The following DIAPH3 variants were observed in gnomAD, a reference collection of about 807,000 sequenced individuals.
The protein encoded by DIAPH3 is diaphanous related formin 3.
Under a neutral mutation model 144.3 loss-of-function variants are expected in DIAPH3, and 117 were observed. That is an observed-to-expected ratio of 0.81 (90% confidence interval 0.70 to 0.95). The LOEUF is 0.95. Ranked by LOEUF, DIAPH3 falls within the 40% of genes least tolerant of loss-of-function variation. The probability of loss-of-function intolerance (pLI) is 0.00; values close to 1 mark genes in which losing one functional copy is unlikely to be tolerated. For missense variants in DIAPH3, 1,421 were observed against 1,412.7 expected (o/e 1.01, Z -0.09); for synonymous variants, 519 against 488.9 (o/e 1.06, Z -0.81).
intron 12 of DIAPH3, among the ~76,000 whole-genome samples, chr13:59,990,499 A>T (rs1176270250): frequency 6.6e-6 from 1 of 151,938 alleles, no homozygotes; most frequent in Non-Finnish European, 1.5e-5. Flanking sequence ...TAGAAATGGA[A>T]AGTAGATATA....
chr13:59,925,144 C>T (rs1432243272), intron 17 of DIAPH3, among the ~76,000 whole-genome samples: 1 of 151,974 alleles, frequency 6.6e-6, no homozygotes, highest in Non-Finnish European at 1.5e-5. Flanking sequence ...GAAACCAATA[C>T]CAATGGGTAT....
At chr13:60,069,514 C>T (rs1332559489) in intron 4 of DIAPH3, among the ~76,000 whole-genome samples, 1 of 152,096 alleles carries the variant, frequency 6.6e-6, no homozygotes, top group Non-Finnish European at 1.5e-5. Flanking sequence ...GGTTTTGTTG[C>T]AATTGCTTTT....
intron 15 of DIAPH3, among the ~76,000 whole-genome samples, chr13:59,973,563 A>C (rs753124426): frequency 3.9e-5 from 6 of 152,100 alleles, no homozygotes; most frequent in African/African-American, 7.2e-5. Context: ...GCTATCTCTT[A>C]AGGTATCTCC....
intron 27 of DIAPH3, among the ~76,000 whole-genome samples, chr13:59,759,949 A>C (rs911438109): frequency 3.1e-5 from 2 of 65,374 alleles, no homozygotes; most frequent in Non-Finnish European, 6.4e-5. Context: ...CTCCATCTCA[A>C]AACAAACAAA....
chr13:59,987,213 A>C (rs1393897572), intron 12 of DIAPH3, among the ~76,000 whole-genome samples: 1 of 151,898 alleles, frequency 6.6e-6, no homozygotes, highest in East Asian at 1.9e-4. Context: ...TTCTCAGTAA[A>C]CTATCGCAAG....
At chr13:59,912,770 A>G (rs911021548) in intron 19 of DIAPH3, among the ~76,000 whole-genome samples, 2 of 152,196 alleles carry the variant, frequency 1.3e-5, no homozygotes, top group Non-Finnish European at 2.9e-5. Context: ...AGCCTAGATC[A>G]TGCTATATAT....
At chr13:59,688,523 G>A (rs1401190290) in intron 27 of DIAPH3, among the ~76,000 whole-genome samples, 1 of 151,932 alleles carries the variant, frequency 6.6e-6, no homozygotes, top group East Asian at 1.9e-4. Flanking sequence ...CACAGAGCTA[G>A]GAACCACCAA....
intron 1 of DIAPH3, among the ~76,000 whole-genome samples, chr13:60,153,776 C>T (rs1951905088): frequency 6.6e-6 from 1 of 152,044 alleles, no homozygotes; most frequent in Admixed American, 6.6e-5. Flanking sequence ...AAGAGTTACA[C>T]TTAGTTTTAT....
chr13:59,822,292 T>A (rs2041112780), intron 24 of DIAPH3, among the ~76,000 whole-genome samples: 1 of 152,066 alleles, frequency 6.6e-6, no homozygotes, highest in African/African-American at 2.4e-5. Flanking sequence ...CAAGCACAAG[T>A]CGCTATGCAC....
chr13:59,897,747 C>CA lies in DIAPH3; in HGVS notation c.2367+13987dup, dbSNP rs376326912. Among the ~76,000 whole-genome samples, 606 of 137,470 alleles carry CA rather than the reference C, an allele frequency of 4.4e-3. 3 individuals carry two copies. The highest frequency in any genetic ancestry group is 0.015 in the African/African-American group (538 of 36,808). 90.2% of individuals were successfully genotyped at this position (137,470 alleles called of 152,430 possible). A position where few individuals can be genotyped will look rare whatever the true frequency, so the allele number is the denominator to read the frequency against. On this transcript the variant is annotated intron_variant, in intron 20 of 27. Coordinates refer to ENST00000400324, the MANE Select transcript of DIAPH3 (RefSeq NM_001042517.2). ...TGGGCAACAGGGTAAGACTCCATCT[C>CA]AAAAAAAACAAAAAAAGAATAAGAA...
At chr13:59,711,844 G>A (rs575485788) in intron 27 of DIAPH3, among the ~76,000 whole-genome samples, 2 of 152,254 alleles carry the variant, frequency 1.3e-5, no homozygotes, top group South Asian at 2.1e-4. Context: ...ATTGTTGCAC[G>A]AATAAATAAA....
At chr13:59,861,924 A>G (rs2043616466) in intron 21 of DIAPH3, among the ~76,000 whole-genome samples, 1 of 152,194 alleles carries the variant, frequency 6.6e-6, no homozygotes, top group Non-Finnish European at 1.5e-5. Flanking sequence ...TGGAGACCTA[A>G]CAACAAATAA....
intron 4 of DIAPH3, among the ~76,000 whole-genome samples, chr13:60,070,291 T>G (rs1017912782): frequency 1.3e-5 from 2 of 151,834 alleles, no homozygotes; most frequent in African/African-American, 4.8e-5. Context: ...GATTTTTTTT[T>G]TTTTTTTGCT....
At chr13:59,732,806 T>C (rs1184514250) in intron 27 of DIAPH3, among the ~76,000 whole-genome samples, 2 of 152,120 alleles carry the variant, frequency 1.3e-5, no homozygotes, top group African/African-American at 4.8e-5. Flanking sequence ...GTTTACTTAA[T>C]CAGTGAAATC....
At chr13:59,821,484 G>GA (rs1241233783) in intron 24 of DIAPH3, among the ~76,000 whole-genome samples, 1 of 151,766 alleles carries the variant, frequency 6.6e-6, no homozygotes, top group Non-Finnish European at 1.5e-5. Flanking sequence ...AGTGGAACAG[G>GA]AAAAAAAATT....
chr13:59,906,141 T>C (rs1258029292), intron 20 of DIAPH3, among the ~76,000 whole-genome samples: 1 of 152,186 alleles, frequency 6.6e-6, no homozygotes, highest in Non-Finnish European at 1.5e-5. Flanking sequence ...GTATACAGAA[T>C]TATTTTTTAA....
At chr13:60,072,522 C>A (rs1455684723) in intron 4 of DIAPH3, among the ~76,000 whole-genome samples, 1 of 152,088 alleles carries the variant, frequency 6.6e-6, no homozygotes, top group African/African-American at 2.4e-5. Context: ...CAGACTTAAA[C>A]TTTCATATAT....
At chr13:59,871,827 T>C (rs2044297870) in intron 21 of DIAPH3, among the ~76,000 whole-genome samples, 1 of 152,230 alleles carries the variant, frequency 6.6e-6, no homozygotes, top group Admixed American at 6.5e-5. Flanking sequence ...TTTTGGTAGA[T>C]GGCATCTATC....
intron 5 of DIAPH3, among the ~76,000 whole-genome samples, chr13:60,030,205 T>C (rs1489759018): frequency 6.6e-6 from 1 of 152,166 alleles, no homozygotes; most frequent in Non-Finnish European, 1.5e-5. Flanking sequence ...TAGGTTTCTC[T>C]CTCCTATATG....
Sources: allele counts gnomAD v4.1 joint callset (sites outside exome capture counted in the v4.1 genomes callset), GRCh38; gene constraint gnomAD v4.1.1; transcripts MANE v1.5; gene names NCBI Gene and HGNC (gene_info 2026-07-23, HGNC 2026-07-21).